TENM4: variants seen among roughly 807,000 people sequenced by gnomAD.
The protein encoded by TENM4 is teneurin transmembrane protein 4.
A neutral mutation model predicts 243.3 loss-of-function variants in TENM4; 82 were observed. The ratio of observed to expected loss-of-function variants is 0.34; its 90% CI spans 0.28 to 0.40. The LOEUF (loss-of-function observed/expected upper bound fraction) is 0.40. Among genes scored for constraint, TENM4 ranks in the 10% least tolerant of loss-of-function variants. TENM4 has a pLI of 1.00. For missense variants in TENM4, 3,138 were observed against 3,673.3 expected (o/e 0.85, Z 3.77); for synonymous variants, 1,412 against 1,456.3 (o/e 0.97, Z 0.69).
At chr11:79,376,308 G>A (rs1163433149) in intron 1 of TENM4, among the ~76,000 whole-genome samples, 2 of 152,204 alleles carry the variant, frequency 1.3e-5, no homozygotes, top group Non-Finnish European at 2.9e-5. Flanking sequence ...GTCTCTTGAT[G>A]TCCTCACCCA....
intron 1 of TENM4, chr11:79,402,013 A>G: frequency 2.5e-6 from 1 of 398,284 alleles, no homozygotes; most frequent in South Asian, 2.1e-5. Flanking sequence ...AGAGATGACT[A>G]GGGTAAGGTC....
At chr11:79,115,864 T>G (rs371794639) in intron 4 of TENM4, among the ~76,000 whole-genome samples, 83 of 152,312 alleles carry the variant, frequency 5.4e-4, no homozygotes, top group African/African-American at 1.9e-3. Context: ...GATATGTCCT[T>G]CTATGTAATC....
intron 6 of TENM4, among the ~76,000 whole-genome samples, chr11:78,925,956 T>TC (rs1361488692): frequency 7.0e-6 from 1 of 142,294 alleles, no homozygotes; most frequent in Admixed American, 6.9e-5. Flanking sequence ...GGAAAAGAAA[T>TC]AAAAAAAAAA....
intron 2 of TENM4, among the ~76,000 whole-genome samples, chr11:79,244,573 C>A (rs1203188970): frequency 2.0e-5 from 3 of 152,102 alleles, no homozygotes; most frequent in Non-Finnish European, 4.4e-5. Context: ...CATAAAAAAG[C>A]CGCTTGCAGT....
intron 6 of TENM4, among the ~76,000 whole-genome samples, chr11:78,959,062 A>G (rs764246388): frequency 2.6e-5 from 4 of 152,178 alleles, no homozygotes; most frequent in African/African-American, 7.2e-5. Flanking sequence ...CTGGGATCCA[A>G]TTTCAGGCTT....
At chr11:78,945,914 A>C (rs1487254151) in intron 6 of TENM4, among the ~76,000 whole-genome samples, 1 of 152,202 alleles carries the variant, frequency 6.6e-6, no homozygotes, top group Non-Finnish European at 1.5e-5. Context: ...GTCTAAGAAA[A>C]GTTTCAAGCA....
intron 4 of TENM4, among the ~76,000 whole-genome samples, chr11:79,082,497 T>C (rs773511217): frequency 7.2e-5 from 11 of 152,176 alleles, no homozygotes; most frequent in Non-Finnish European, 1.2e-4. Context: ...CAGTTTTCTC[T>C]TCTGCAAAAT....
intron 1 of TENM4, among the ~76,000 whole-genome samples, chr11:79,374,953 A>T (rs1857863379): frequency 3.3e-5 from 5 of 151,978 alleles, no homozygotes; most frequent in Admixed American, 3.3e-4. Context: ...CCTTTCAAAG[A>T]CTCTAATGCC....
intron 5 of TENM4, among the ~76,000 whole-genome samples, chr11:79,069,084 A>G (rs1591258608): frequency 6.6e-6 from 1 of 152,130 alleles, no homozygotes; most frequent in African/African-American, 2.4e-5. Flanking sequence ...AGAAGAATGG[A>G]TTTGAATACT....
chr11:79,440,856 TGTGA>T lies in TENM4; in HGVS notation c.-672_-669del, dbSNP rs901739236. 5 of 122,052 alleles carry T rather than the reference TGTGA, an allele frequency of 4.1e-5. No individual in the cohort carries two copies. The highest frequency in any genetic ancestry group is 1.0e-4 in the African/African-American group (3 of 30,022). 7.6% of individuals were successfully genotyped at this position (122,052 alleles called of 1,614,324 possible). ...TGGGGCGGGTGTGTGCGCGCGCGTGTGTGAGTGTGTGTGTGTGTGTGTGTGTTTA... is the reference window on the plus strand; with the variant it reads ...TGGGGCGGGTGTGTGCGCGCGCGTGTGTGTGTGTGTGTGTGTGTGTGTTTA... On this transcript the variant is annotated 5_prime_UTR_variant, in exon 1 of 34. Transcript: ENST00000278550. The surrounding 1 kb of genome is among the most constrained non-coding windows in gnomAD (Gnocchi z 4.7).
intron 1 of TENM4, among the ~76,000 whole-genome samples, chr11:79,368,264 A>G (rs1308926988): frequency 6.6e-6 from 1 of 152,206 alleles, no homozygotes. Flanking sequence ...TATATGTTTA[A>G]TGAAATAAGC....
chr11:78,801,841 C>T (rs183782774), intron 15 of TENM4, among the ~76,000 whole-genome samples: 3 of 152,314 alleles, frequency 2.0e-5, no homozygotes, highest in Admixed American at 1.3e-4. Flanking sequence ...CCAGCTCTGC[C>T]ATGCCAGGCA....
intron 20 of TENM4, among the ~76,000 whole-genome samples, chr11:78,735,938 CT>C (rs1299100557): frequency 7.3e-6 from 1 of 137,342 alleles, no homozygotes; most frequent in Non-Finnish European, 1.5e-5. Flanking sequence ...CTCTTTCTTT[CT>C]TTCTCTCTCT....
chr11:79,020,766 G>A (rs1205987870), intron 6 of TENM4, among the ~76,000 whole-genome samples: 2 of 152,160 alleles, frequency 1.3e-5, no homozygotes, highest in African/African-American at 4.8e-5. Flanking sequence ...GAATCATGGG[G>A]TCAGAGGCTT....
At chr11:78,838,833 A>T (rs970208531) in intron 12 of TENM4, among the ~76,000 whole-genome samples, 1 of 152,170 alleles carries the variant, frequency 6.6e-6, no homozygotes, top group African/African-American at 2.4e-5. Context: ...GTGGGCCAAC[A>T]CTGCAGGCTA....
At chr11:78,930,476 C>T (rs1455307600) in intron 6 of TENM4, among the ~76,000 whole-genome samples, 1 of 152,186 alleles carries the variant, frequency 6.6e-6, no homozygotes, top group Non-Finnish European at 1.5e-5. Context: ...AGTTTTCCTC[C>T]CTTCTCCAAA....
chr11:79,146,586 G>C (rs182482591), intron 4 of TENM4, among the ~76,000 whole-genome samples: 1 of 152,084 alleles, frequency 6.6e-6, no homozygotes, highest in African/African-American at 2.4e-5. Context: ...TGGAACCAAA[G>C]ATACCTTCAG....
intron 3 of TENM4, among the ~76,000 whole-genome samples, chr11:79,182,288 A>G (rs996522782): frequency 5.3e-5 from 8 of 152,206 alleles, no homozygotes; most frequent in Non-Finnish European, 1.0e-4. Flanking sequence ...ATAAATCTAC[A>G]TAAATACAGT....
rs75967691 is a variant in TENM4 at position 78,704,038 on chromosome 11, C to G, written c.4210-1635G>C. 3.3e-4 allele frequency among the ~76,000 whole-genome samples: 40 copies of G among 120,494 alleles called. 1 individual carries two copies. The highest frequency in any genetic ancestry group is 4.8e-3 in the Middle Eastern group (1 of 210). 79.0% of individuals were successfully genotyped at this position (120,494 alleles called of 152,430 possible). On this transcript the variant is annotated intron_variant, in intron 27 of 33. Transcript: ENST00000278550. The stretch of plus-strand genomic sequence containing the variant: ...ACACACACACACATATATATATACA[C>G]ACACACACACACACACACACACACA...
Sources: allele counts gnomAD v4.1 joint callset (sites outside exome capture counted in the v4.1 genomes callset), GRCh38; gene constraint gnomAD v4.1.1; non-coding constraint Gnocchi (gnomAD v3.1); transcripts MANE v1.5; gene names NCBI Gene and HGNC (gene_info 2026-07-23, HGNC 2026-07-21).